The following FSTL5 variants were observed in gnomAD, a reference collection of about 807,000 sequenced individuals.
FSTL5 encodes follistatin-related protein 5.
A neutral mutation model predicts 89.1 loss-of-function variants in FSTL5; 62 were observed. That is an observed-to-expected ratio of 0.70 (90% CI 0.57 to 0.86). The LOEUF is 0.86. FSTL5 is among the 40% of genes least tolerant of loss of function. The pLI is 0.00. For synonymous variants in FSTL5, 383 were observed against 346.2 expected (o/e 1.11, Z -1.18); for missense variants, 1,057 against 1,001.6 (o/e 1.06, Z -0.75).
intron 2 of FSTL5, among the ~76,000 whole-genome samples, chr4:162,083,328 T>A (rs1190073737): frequency 6.6e-6 from 1 of 151,774 alleles, no homozygotes; most frequent in Non-Finnish European, 1.5e-5. Context: ...AACTAATGAA[T>A]GATCATTACC....
intron 4 of FSTL5, among the ~76,000 whole-genome samples, chr4:161,892,421 G>T (rs1042507451): frequency 6.6e-6 from 1 of 151,982 alleles, no homozygotes; most frequent in East Asian, 1.9e-4. Context: ...GAAAAAGTTA[G>T]TTAATTTTAT....
chr4:161,916,047 ATAAC>A (rs1286053123), intron 4 of FSTL5, among the ~76,000 whole-genome samples: 2 of 152,154 alleles, frequency 1.3e-5, no homozygotes, highest in African/African-American at 2.4e-5. Context: ...GTCAGGTAAA[ATAAC>A]TAATTTAAAT....
intron 4 of FSTL5, among the ~76,000 whole-genome samples, chr4:161,901,892 G>A (rs1259378873): frequency 1.3e-5 from 2 of 152,086 alleles, no homozygotes; most frequent in Non-Finnish European, 2.9e-5. Flanking sequence ...CCAAGATCGC[G>A]CCCTGGCACT....
At chr4:161,770,910 GAA>G (rs1741185366) in intron 5 of FSTL5, among the ~76,000 whole-genome samples, 1 of 151,966 alleles carries the variant, frequency 6.6e-6, no homozygotes, top group Non-Finnish European at 1.5e-5. Flanking sequence ...CTCTAGGAGA[GAA>G]TTCTTAGGAT....
chr4:161,499,079 G>A (rs1181612459), intron 12 of FSTL5, among the ~76,000 whole-genome samples: 2 of 152,042 alleles, frequency 1.3e-5, no homozygotes, highest in South Asian at 4.1e-4. Context: ...GCACGCGCCT[G>A]TAATCCCAGC....
chr4:161,855,003 G>GTTTTTTTTT (rs1221548568), intron 4 of FSTL5, among the ~76,000 whole-genome samples: 7 of 16,098 alleles, frequency 4.3e-4, no homozygotes, highest in Non-Finnish European at 7.3e-4. Flanking sequence ...TGGTTGAGAG[G>GTTTTTTTTT]TTTTTTTTTT....
intron 11 of FSTL5, among the ~76,000 whole-genome samples, chr4:161,508,252 C>T (rs1196809885): frequency 6.6e-6 from 1 of 152,026 alleles, no homozygotes; most frequent in East Asian, 1.9e-4. Flanking sequence ...ATAATTGTGG[C>T]ATTATAAAAA....
chr4:161,944,116 G>A (rs1244193173), intron 3 of FSTL5, among the ~76,000 whole-genome samples: 3 of 152,076 alleles, frequency 2.0e-5, no homozygotes, highest in African/African-American at 7.2e-5. Flanking sequence ...ATCTGGATAC[G>A]AAACTCTGCT....
intron 15 of FSTL5, among the ~76,000 whole-genome samples, chr4:161,396,381 C>T (rs887420431): frequency 6.6e-6 from 1 of 151,758 alleles, no homozygotes; most frequent in Non-Finnish European, 1.5e-5. Context: ...GTGGCTCATG[C>T]CTGTAATCCC....
chr4:162,091,273 C>A (rs543781847), intron 2 of FSTL5, among the ~76,000 whole-genome samples: 2 of 152,156 alleles, frequency 1.3e-5, no homozygotes, highest in African/African-American at 4.8e-5. Context: ...ATTTTCCTGA[C>A]TAATTACTGT....
intron 6 of FSTL5, among the ~76,000 whole-genome samples, chr4:161,677,921 TAC>T (rs1253039915): frequency 6.6e-6 from 1 of 151,810 alleles, no homozygotes; most frequent in African/African-American, 2.4e-5. Flanking sequence ...CCACAATGTA[TAC>T]ATAGTCTAAA....
At chr4:161,915,384 G>A (rs972567966) in intron 4 of FSTL5, among the ~76,000 whole-genome samples, 2 of 146,392 alleles carry the variant, frequency 1.4e-5, no homozygotes, top group African/African-American at 5.1e-5. Context: ...AACATTTGTT[G>A]AATAGTCCTA....
chr4:161,530,240 A>C lies in FSTL5; in HGVS notation c.1312+7926T>G, dbSNP rs1223015846. On this transcript the variant is annotated intron_variant, in intron 10 of 15. Coordinates refer to ENST00000306100, the MANE Select transcript of FSTL5 (RefSeq NM_020116.5). The stretch of plus-strand genomic sequence containing the variant: ...TTAGGACCCTTTCTTTTACTTCTAA[A>C]ATAGGAAGATACCTCATAACTATTC... 2.1e-5 allele frequency among the ~76,000 whole-genome samples: 3 copies of C among 142,456 alleles called. 1 individual carries two copies. In the Admixed American group the frequency reaches 2.3e-4, roughly 11 times the overall value. 93.5% of individuals were successfully genotyped at this position (142,456 alleles called of 152,430 possible).
rs746857325 is a variant in FSTL5 at position 161,656,448 on chromosome 4, A to C, written c.774T>G (p.Thr258=). The change falls in exon 7 of 16, where the codon ACT becomes ACG. Residue 258 remains threonine (T), a synonymous_variant. Transcript: ENST00000306100. ...SLPEDQKLSI[T]AATVGQSAVL... ...CAGCACTTTGTCCCACAGTTGCTGC[A>C]GTGATGCTTAGTTTCTGATCTTCTG... 38 of 1,605,746 alleles carry C rather than the reference A, an allele frequency of 2.4e-5. 1 individual carries two copies. The South Asian group carries it at 2.9e-4, about 12-fold the overall frequency.
chr4:162,151,133 T>C (rs1733208439), intron 1 of FSTL5, among the ~76,000 whole-genome samples: 2 of 152,064 alleles, frequency 1.3e-5, no homozygotes, highest in African/African-American at 4.8e-5. Context: ...CCAATGGAGG[T>C]ATTCAACTGA....
At chr4:161,412,519 C>T (rs956002843) in intron 15 of FSTL5, among the ~76,000 whole-genome samples, 6 of 151,546 alleles carry the variant, frequency 4.0e-5, no homozygotes, top group Admixed American at 1.3e-4. Context: ...GGGATAGGGG[C>T]GGGATAGCAT....
At chr4:162,084,161 C>A (rs1730213403) in intron 2 of FSTL5, among the ~76,000 whole-genome samples, 1 of 151,702 alleles carries the variant, frequency 6.6e-6, no homozygotes, top group African/African-American at 2.4e-5. Context: ...ATCAGTGGTG[C>A]AAATTATAAA....
intron 3 of FSTL5, among the ~76,000 whole-genome samples, chr4:162,021,897 C>G (rs1170855718): frequency 6.6e-6 from 1 of 151,892 alleles, no homozygotes; most frequent in East Asian, 1.9e-4. Context: ...TCAAGACCAG[C>G]CTGGCCAATA....
At chr4:161,414,551 A>G (rs543982552) in intron 15 of FSTL5, among the ~76,000 whole-genome samples, 9 of 152,294 alleles carry the variant, frequency 5.9e-5, no homozygotes, top group African/African-American at 2.2e-4. Flanking sequence ...GGGGCCATTT[A>G]TTTAACATTA....
Sources: allele counts gnomAD v4.1 joint callset (sites outside exome capture counted in the v4.1 genomes callset), GRCh38; gene constraint gnomAD v4.1.1; transcripts MANE v1.5; gene names NCBI Gene and HGNC (gene_info 2026-07-23, HGNC 2026-07-21).